GPC5: variants seen among roughly 807,000 people sequenced by gnomAD.
GPC5 encodes glypican-5.
In GPC5, 47 loss-of-function variants were observed where a neutral mutation model predicts 53.9. That is an observed-to-expected ratio of 0.87 (90% CI 0.69 to 1.11). The LOEUF (loss-of-function observed/expected upper bound fraction) is 1.11, where lower values mean the gene tolerates loss of function less well. GPC5 is among the 50% of genes most tolerant of loss of function. The pLI is 0.00. For synonymous variants in GPC5, 286 were observed against 263.3 expected (o/e 1.09, Z -0.84); for missense variants, 748 against 713.1 (o/e 1.05, Z -0.56).
At chr13:91,420,318 T>A (rs991439440) in intron 1 of GPC5, among the ~76,000 whole-genome samples, 1 of 152,192 alleles carries the variant, frequency 6.6e-6, no homozygotes, top group South Asian at 2.1e-4. Context: ...TAGTGAATGA[T>A]GGATGTCTGT....
At chr13:92,294,402 T>C (rs1031502672) in intron 7 of GPC5, among the ~76,000 whole-genome samples, 13 of 152,206 alleles carry the variant, frequency 8.5e-5, no homozygotes, top group Non-Finnish European at 1.3e-4. Flanking sequence ...GTTCAGGGTA[T>C]CTAATTCTTC....
chr13:91,885,230 A>G (rs538923912), intron 5 of GPC5, among the ~76,000 whole-genome samples: 1 of 152,290 alleles, frequency 6.6e-6, no homozygotes, highest in East Asian at 1.9e-4. Context: ...GTATTTGGGT[A>G]AAGGCAACCT....
Position 91,762,542 on chromosome 13 carries a change from G to A in GPC5, c.1280+6122G>A, listed in dbSNP as rs116998269. On this transcript the variant is annotated intron_variant, in intron 5 of 7. Coordinates refer to ENST00000377067, the MANE Select transcript of GPC5 (RefSeq NM_004466.6). ...CTTTTCCTATGTTTCTTGTGCAAAG[G>A]CAGTATGTTCTTTATGACTTAAACA... 4.0e-4 allele frequency among the ~76,000 whole-genome samples: 60 copies of A among 151,074 alleles called. 1 individual carries two copies. In the East Asian group the frequency reaches 0.01, roughly 25 times the overall value.
In GPC5 at chr13:91,500,709, A is replaced by C. The variant is rs1364794955; in HGVS notation, c.325+51787A>C. ...GGCTTCTAATCTCTACAGAACTATA[A>C]ATTTTACAGCTACAGATTTTTGTCT... On this transcript the variant is annotated intron_variant, in intron 2 of 7. Coordinates refer to ENST00000377067, the MANE Select transcript of GPC5 (RefSeq NM_004466.6). Among the ~76,000 whole-genome samples, 4 of 152,122 alleles carry C rather than the reference A, an allele frequency of 2.6e-5. No homozygotes were observed. The South Asian group carries it at 6.2e-4, about 24-fold the overall frequency.
chr13:92,298,893 T>C (rs71427551), intron 7 of GPC5, among the ~76,000 whole-genome samples: 1,618 of 152,302 alleles, frequency 0.011, 26 homozygotes, highest in Middle Eastern at 0.048. Context: ...ACAGCATTTT[T>C]CCATAAATGC....
intron 6 of GPC5, among the ~76,000 whole-genome samples, chr13:92,082,857 A>G (rs1375813060): frequency 3.3e-5 from 5 of 152,308 alleles, no homozygotes; most frequent in Non-Finnish European, 7.4e-5. Flanking sequence ...TAGCTAGCTA[A>G]AAGTAGATAT....
At position 92,643,643 on chromosome 13, in the gene GPC5, C is replaced by T. The variant is rs532654166; in HGVS notation, c.1562-222639C>T. 1.1e-4 allele frequency among the ~76,000 whole-genome samples: 16 copies of T among 142,960 alleles called. No individual in the cohort carries two copies. In the South Asian group the frequency reaches 1.4e-3, roughly 12 times the overall value. 93.8% of individuals were successfully genotyped at this position (142,960 alleles called of 152,430 possible). ...ATCGCAAGAACAAAAAACCAAACAC[C>T]GCATATTCTCACTCATAGGTGGGAA... On this transcript the variant is annotated intron_variant, in intron 7 of 7. Coordinates refer to ENST00000377067, the MANE Select transcript of GPC5 (RefSeq NM_004466.6).
intron 7 of GPC5, among the ~76,000 whole-genome samples, chr13:92,290,043 G>A (rs2042982638): frequency 6.6e-6 from 1 of 152,104 alleles, no homozygotes; most frequent in South Asian, 2.1e-4. Context: ...TCCAGTTTAT[G>A]ATACTGAACC....
intron 2 of GPC5, among the ~76,000 whole-genome samples, chr13:91,633,141 A>G (rs1200007526): frequency 1.3e-5 from 2 of 152,324 alleles, no homozygotes; most frequent in Admixed American, 6.5e-5. Context: ...GAAAACAAGA[A>G]TACCATTCTG....
chr13:92,758,696 T>G (rs1342926681), intron 7 of GPC5, among the ~76,000 whole-genome samples: 2 of 152,128 alleles, frequency 1.3e-5, no homozygotes, highest in Non-Finnish European at 2.9e-5. Flanking sequence ...TCTCTTCTCG[T>G]TTTATTAAGT....
chr13:92,223,591 T>A (rs547349965), intron 7 of GPC5, among the ~76,000 whole-genome samples: 20 of 152,284 alleles, frequency 1.3e-4, no homozygotes, highest in African/African-American at 4.8e-4. Context: ...GTGATCAGCA[T>A]ATGATATAAA....
chr13:92,060,110 A>AT (rs1566417569), intron 6 of GPC5: 1 of 151,790 alleles, frequency 6.6e-6, no homozygotes, highest in East Asian at 1.9e-4. Flanking sequence ...TGCTGATATG[A>AT]TTTTTTTCAG....
intron 7 of GPC5, among the ~76,000 whole-genome samples, chr13:92,322,522 A>G (rs554589221): frequency 1.3e-5 from 2 of 152,278 alleles, no homozygotes; most frequent in African/African-American, 4.8e-5. Flanking sequence ...ATGCAGGCTC[A>G]TATGTTTTGT....
chr13:92,809,308 T>C (rs1877209832), intron 7 of GPC5, among the ~76,000 whole-genome samples: 1 of 152,294 alleles, frequency 6.6e-6, no homozygotes, highest in African/African-American at 2.4e-5. Flanking sequence ...TAAAAGGCAA[T>C]GAGCCCCATC....
At chr13:91,701,472 G>T (rs1461335968) in intron 3 of GPC5, among the ~76,000 whole-genome samples, 1 of 151,954 alleles carries the variant, frequency 6.6e-6, no homozygotes, top group Non-Finnish European at 1.5e-5. Flanking sequence ...ATTTCACTTA[G>T]CATAATTCCT....
chr13:92,400,649 T>C (rs1246381139), intron 7 of GPC5, among the ~76,000 whole-genome samples: 1 of 152,240 alleles, frequency 6.6e-6, no homozygotes, highest in Non-Finnish European at 1.5e-5. Context: ...CTCTCCTGCC[T>C]TTTGAAATTC....
chr13:92,828,959 C>T (rs1249331181), intron 7 of GPC5, among the ~76,000 whole-genome samples: 1 of 152,146 alleles, frequency 6.6e-6, no homozygotes, highest in Non-Finnish European at 1.5e-5. Flanking sequence ...ATCCATGTTA[C>T]ATCCATGTAA....
intron 5 of GPC5, among the ~76,000 whole-genome samples, chr13:91,906,802 T>A (rs2039557397): frequency 6.6e-6 from 1 of 151,934 alleles, no homozygotes; most frequent in Non-Finnish European, 1.5e-5. Context: ...TCACCACCGG[T>A]GAAATGACCC....
intron 7 of GPC5, among the ~76,000 whole-genome samples, chr13:92,694,844 G>T (rs889692536): frequency 2.6e-5 from 4 of 152,156 alleles, no homozygotes; most frequent in Non-Finnish European, 5.9e-5. Flanking sequence ...GATATGGTTT[G>T]GCTCTGTGTC....
Sources: gnomAD v4.1 joint callset for allele counts (sites outside exome capture counted in the v4.1 genomes callset) on GRCh38, gnomAD v4.1.1 for gene constraint, MANE v1.5 for transcripts, NCBI Gene and HGNC (gene_info 2026-07-23, HGNC 2026-07-21) for gene names.